Variants in FOXC1 observed in about 807,000 individuals in gnomAD.
FOXC1 encodes forkhead box protein C1.
A neutral mutation model predicts 8.1 loss-of-function variants in FOXC1; 5 were observed. The ratio of observed to expected loss-of-function variants is 0.62; its 90% confidence interval spans 0.32 to 1.30. The LOEUF is 1.30. Among genes scored for constraint, FOXC1 ranks in the 50% most tolerant of loss-of-function variants. The pLI, the probability that FOXC1 is intolerant of heterozygous loss-of-function variation, is 0.05. For missense variants in FOXC1, 942 were observed against 858.0 expected (o/e 1.10, Z -1.22); for synonymous variants, 552 against 417.2 (o/e 1.32, Z -3.94).
chr6:1,611,520 TC>T lies in FOXC1; in HGVS notation c.1078del (p.Leu360SerfsTer41). On this transcript the variant is annotated frameshift_variant, in exon 1 of 1. Coordinates refer to ENST00000645831, the MANE Select transcript of FOXC1 (RefSeq NM_001453.3). LOFTEE classifies it low-confidence loss of function (END_TRUNC). This position sits in a 1 kb window ranked among gnomAD's most constrained non-coding sequence, Gnocchi z 7.1. Reference sequence around the variant, plus strand: ...CGGCGCCTACTCGCCCGGCCAGAGCTCCCTCTACAGCTCCCCCTGCAGCCAG... The same window carrying T: ...CGGCGCCTACTCGCCCGGCCAGAGCTCCTCTACAGCTCCCCCTGCAGCCAG... ...ALGAYSPGQS[S>X]LYSSPCSQTS... 7.4e-7 allele frequency: 1 copy of T among 1,349,498 alleles called. No individual in the cohort carries two copies. Among genetic ancestry groups the T allele is most frequent in the East Asian group, 3.5e-5 (1 of 28,744 alleles). The allele number at this position is 1,349,498 out of a possible 1,614,324, so 83.6% of individuals were successfully genotyped here.
rs560601928 is a variant in FOXC1 at position 1,613,103 on chromosome 6, C to G, written c.*996C>G. 8.3e-6 allele frequency: 2 copies of G among 240,080 alleles called. No individual in the cohort carries two copies. Among genetic ancestry groups the G allele is most frequent in the Admixed American group, 5.7e-5 (1 of 17,516 alleles). The allele number at this position is 240,080 out of a possible 1,614,324, so 14.9% of individuals were successfully genotyped here. A position where few individuals can be genotyped will look rare whatever the true frequency, so the allele number is the denominator to read the frequency against. On this transcript the variant is annotated 3_prime_UTR_variant, in exon 1 of 1. Coordinates refer to ENST00000645831, the MANE Select transcript of FOXC1 (RefSeq NM_001453.3). The stretch of plus-strand genomic sequence containing the variant: ...GTTGGCATATAAACAAATACGTTTT[C>G]TCACTAATGACAGTCCATGATTCGG...
chr6:1,610,892 C>T lies in FOXC1; in HGVS notation c.447C>T (p.Gly149=), dbSNP rs1274199815. 5 of 1,613,978 alleles carry T rather than the reference C, an allele frequency of 3.1e-6. No individual in the cohort carries two copies. The highest frequency in any genetic ancestry group is 4.2e-6 in the Non-Finnish European group (5 of 1,180,016). ...GCGACGACAAGAAGCCGGGCAAGGGCAGCTACTGGACGCTGGACCCGGACT... is the reference window on the plus strand; with the variant it reads ...GCGACGACAAGAAGCCGGGCAAGGGTAGCTACTGGACGCTGGACCCGGACT... The part of the protein sequence containing the change: ...VPRDDKKPGK[G]SYWTLDPDSY... The change falls in exon 1 of 1, where the codon GGC becomes GGT. Residue 149 remains glycine (G), a synonymous_variant. Transcript: ENST00000645831.
chr6:1,611,117 G>C lies in FOXC1; in HGVS notation c.672G>C (p.Gln224His), dbSNP rs1311483084. 7.2e-7 allele frequency: 1 copy of C among 1,396,150 alleles called. No individual in the cohort carries two copies. 86.5% of individuals were successfully genotyped at this position (1,396,150 alleles called of 1,614,324 possible). A position where few individuals can be genotyped will look rare whatever the true frequency, so the allele number is the denominator to read the frequency against. ...PGPQPPPVRIQDIKTENGTCP... is the reference protein window; with the variant it reads ...PGPQPPPVRIHDIKTENGTCP... ...CGCAGCCGCCGCCCGTGCGCATCCA[G>C]GACATCAAGACCGAGAACGGTACGT... Residue 224 changes from glutamine to histidine, a missense_variant, in exon 1 of 1, where the codon CAG (glutamine) becomes CAC (histidine). By Grantham distance (24) the Gln-to-His change is conservative (BLOSUM62 0). Around this residue, in one of 4 missense-constraint regions of FOXC1, gnomAD observed 726 missense variants for 599.6 expected, o/e 1.21. Coordinates refer to ENST00000645831, the MANE Select transcript of FOXC1 (RefSeq NM_001453.3). This position sits in a 1 kb window ranked among gnomAD's most constrained non-coding sequence, Gnocchi z 7.1.
In FOXC1 at chr6:1,611,942, C is replaced by T. The variant is rs1471366309; in HGVS notation, c.1497C>T (p.Gly499=). ...AAAAAAAGYP[G]QQQNFHSVRE... is the part of the protein sequence containing the mutation. ...CGGCGGCGGCCGCAGGCTACCCGGG[C>T]CAGCAGCAGAACTTCCACTCGGTGC... Residue 499 remains glycine (G), a synonymous_variant, in exon 1 of 1, where the codon GGC becomes GGT. Transcript: ENST00000645831. This position sits in a 1 kb window ranked among gnomAD's most constrained non-coding sequence, Gnocchi z 7.1. 3.8e-6 allele frequency: 6 copies of T among 1,586,780 alleles called. No individual in the cohort carries two copies. Among genetic ancestry groups the T allele is most frequent in the Non-Finnish European group, 5.1e-6 (6 of 1,166,476 alleles).
At position 1,610,498 on chromosome 6, in the gene FOXC1, A is replaced by G; in HGVS notation, c.53A>G (p.Tyr18Cys). 2.0e-6 allele frequency: 3 copies of G among 1,503,902 alleles called. No homozygotes were observed. The highest frequency in any genetic ancestry group is 2.7e-6 in the Non-Finnish European group (3 of 1,128,220). The allele number at this position is 1,503,902 out of a possible 1,614,324, so 93.2% of individuals were successfully genotyped here. A position where few individuals can be genotyped will look rare whatever the true frequency, so the allele number is the denominator to read the frequency against. Residue 18 changes from tyrosine (Y) to cysteine (C), a missense_variant, in exon 1 of 1, where the codon TAC becomes TGC. By Grantham distance (194) the Tyr-to-Cys change is radical. Around this residue, in one of 4 missense-constraint regions of FOXC1, gnomAD observed 190 missense variants for 176.8 expected, o/e 1.07. Coordinates refer to ENST00000645831, the MANE Select transcript of FOXC1 (RefSeq NM_001453.3). ...SSPNSLGVVP[Y>C]LGGEQSYYRA... ...CCCAACTCCCTGGGAGTGGTGCCCT[A>G]CCTCGGCGGCGAGCAGAGCTACTAC... is the stretch of plus-strand genomic sequence containing the variant.
rs1354347813 is a variant in FOXC1, at chr6:1,612,228, C to A, written c.*121C>A. 2 of 1,448,616 alleles carry A rather than the reference C, an allele frequency of 1.4e-6. No homozygotes were observed. The highest frequency in any genetic ancestry group is 1.9e-6 in the Non-Finnish European group (2 of 1,064,110). The allele number at this position is 1,448,616 out of a possible 1,614,324, so 89.7% of individuals were successfully genotyped here. On this transcript the variant is annotated 3_prime_UTR_variant, in exon 1 of 1. Coordinates refer to ENST00000645831, the MANE Select transcript of FOXC1 (RefSeq NM_001453.3). ...TAAAAAAAACCCCTGAGAATATTCA[C>A]CACACCAGCGAACAGAATATCCCTC...
Position 1,612,355 on chromosome 6 carries a change from G to A in FOXC1, c.*248G>A, listed in dbSNP as rs1361188087. ...TTGCCTTGTCTAAATAAACAAACCC[G>A]TAAACTGTTTTATACAGAGACAGCA... On this transcript the variant is annotated 3_prime_UTR_variant, in exon 1 of 1. Transcript: ENST00000645831. 7 of 626,506 alleles carry A rather than the reference G, an allele frequency of 1.1e-5. No individual in the cohort carries two copies. Among genetic ancestry groups the A allele is most frequent in the Non-Finnish European group, 1.1e-5 (4 of 353,012 alleles). The allele number at this position is 626,506 out of a possible 1,614,324, so 38.8% of individuals were successfully genotyped here. A position where few individuals can be genotyped will look rare whatever the true frequency, so the allele number is the denominator to read the frequency against.
In FOXC1 at chr6:1,611,215, T is replaced by C; in HGVS notation, c.770T>C (p.Ile257Thr). 1 of 1,456,456 alleles carries C rather than the reference T, an allele frequency of 6.9e-7. No homozygotes were observed. Among genetic ancestry groups the C allele is most frequent in the Non-Finnish European group, 9.0e-7 (1 of 1,105,062 alleles). 90.2% of individuals were successfully genotyped at this position (1,456,456 alleles called of 1,614,324 possible). ...GGCAGCGCCGCCGCGGTGCCCAAGA[T>C]CGAGAGCCCCGACAGCAGCAGCAGC... is the stretch of plus-strand genomic sequence containing the variant. ...GSGSAAAVPK[I>T]ESPDSSSSSL... The change falls in exon 1 of 1, where the codon ATC becomes ACC. Residue 257 changes from isoleucine to threonine, a missense_variant. Around this residue, in one of 4 missense-constraint regions of FOXC1, gnomAD observed 726 missense variants for 599.6 expected, o/e 1.21. Coordinates refer to ENST00000645831, the MANE Select transcript of FOXC1 (RefSeq NM_001453.3). This position sits in a 1 kb window ranked among gnomAD's most constrained non-coding sequence, Gnocchi z 7.1.
chr6:1,610,543 C>A lies in FOXC1; in HGVS notation c.98C>A (p.Ala33Asp). ...TACTACCGCGCGGCGGCCGCGGCGG[C>A]CGGGGGCGGCTACACCGCCATGCCG... ...QSYYRAAAAA[A>D]GGGYTAMPAP... The change falls in exon 1 of 1, where the codon GCC becomes GAC. Residue 33 changes from alanine to aspartate, a missense_variant. Around this residue, in one of 4 missense-constraint regions of FOXC1, gnomAD observed 190 missense variants for 176.8 expected, o/e 1.07. Coordinates refer to ENST00000645831, the MANE Select transcript of FOXC1 (RefSeq NM_001453.3). The A allele has an allele frequency of 6.5e-7, 1 of 1,547,356 alleles. No homozygotes were observed. The highest frequency in any genetic ancestry group is 8.7e-7 in the Non-Finnish European group (1 of 1,147,126).
chr6:1,611,563 G>A lies in FOXC1; in HGVS notation c.1118G>A (p.Ser373Asn). ...TGCAGCCAGACCTCCAGCGCGGGCA[G>A]CTCGGGCGGCGGCGGCGGCGGCGCG... ...SPCSQTSSAG[S>N]SGGGGGGAGA... is the part of the protein sequence containing the mutation. The change falls in exon 1 of 1, where the codon AGC (serine) becomes AAC (asparagine). Residue 373 changes from serine (S) to asparagine (N), a missense_variant. Physicochemically the swap from Ser to Asn is conservative, Grantham distance 46. This residue lies in a region of FOXC1 where 726 missense variants were observed against 599.6 expected (regional missense o/e 1.21). Transcript: ENST00000645831. The surrounding 1 kb of genome is among the most constrained non-coding windows in gnomAD (Gnocchi z 7.1). The A allele has an allele frequency of 2.5e-6, 3 of 1,190,786 alleles. No individual in the cohort carries two copies. Among genetic ancestry groups the A allele is most frequent in the Non-Finnish European group, 2.1e-6 (2 of 962,952 alleles). The allele number at this position is 1,190,786 out of a possible 1,614,324, so 73.8% of individuals were successfully genotyped here. A position where few individuals can be genotyped will look rare whatever the true frequency, so the allele number is the denominator to read the frequency against.
rs755098873 is a variant in FOXC1, at chr6:1,612,136, C to T, written c.*29C>T. Reference sequence around the variant, plus strand: ...ACCCTCAAAGCCGAACTAAATCGAACCCCAAAGCAGGAAAAGCTAAAGGAA... The same window carrying T: ...ACCCTCAAAGCCGAACTAAATCGAATCCCAAAGCAGGAAAAGCTAAAGGAA... On this transcript the variant is annotated 3_prime_UTR_variant, in exon 1 of 1. Coordinates refer to ENST00000645831, the MANE Select transcript of FOXC1 (RefSeq NM_001453.3). 4 of 1,613,628 alleles carry T rather than the reference C, an allele frequency of 2.5e-6. No homozygotes were observed. The highest frequency in any genetic ancestry group is 1.7e-6 in the Non-Finnish European group (2 of 1,179,974).
rs1487434632 is a variant in FOXC1 at position 1,612,786 on chromosome 6, ATTGT to A, written c.*686_*689del. On this transcript the variant is annotated 3_prime_UTR_variant, in exon 1 of 1. Transcript: ENST00000645831. Reference sequence around the variant, plus strand: ...TTCTTTCTTTTTGTTGAACATATTCATTGTTTGTTTATTAATAAATTACCATTCA... The same window carrying A: ...TTCTTTCTTTTTGTTGAACATATTCATTGTTTATTAATAAATTACCATTCA... The A allele has an allele frequency of 5.8e-5, 12 of 207,848 alleles. No homozygotes were observed. The highest frequency in any genetic ancestry group is 5.0e-4 in the East Asian group (6 of 12,052). 12.9% of individuals were successfully genotyped at this position (207,848 alleles called of 1,614,324 possible).
chr6:1,611,044 A>T lies in FOXC1; in HGVS notation c.599A>T (p.Gln200Leu). 1.3e-6 allele frequency: 2 copies of T among 1,517,316 alleles called. No individual in the cohort carries two copies. The allele number at this position is 1,517,316 out of a possible 1,614,324, so 94.0% of individuals were successfully genotyped here. Residue 200 changes from glutamine (Q) to leucine (L), a missense_variant, in exon 1 of 1, where the codon CAG (glutamine) becomes CTG (leucine). Gln to Leu is a moderately radical substitution (Grantham distance 113). Coordinates refer to ENST00000645831, the MANE Select transcript of FOXC1 (RefSeq NM_001453.3). This position sits in a 1 kb window ranked among gnomAD's most constrained non-coding sequence, Gnocchi z 7.1. ...HLKEPPPPGR[Q>L]PPPAPPEQAD... The stretch of plus-strand genomic sequence containing the variant: ...AAGGAGCCGCCCCCGCCCGGCCGCC[A>T]GCCCCCGCCCGCGCCGCCGGAGCAG...
In FOXC1 at chr6:1,611,542, G is replaced by A; in HGVS notation, c.1097G>A (p.Ser366Asn). The A allele has an allele frequency of 7.9e-7, 1 of 1,268,196 alleles. No individual in the cohort carries two copies. Among genetic ancestry groups the A allele is most frequent in the East Asian group, 3.7e-5 (1 of 27,136 alleles). 78.6% of individuals were successfully genotyped at this position (1,268,196 alleles called of 1,614,324 possible). A position where few individuals can be genotyped will look rare whatever the true frequency, so the allele number is the denominator to read the frequency against. ...GQSSLYSSPC[S>N]QTSSAGSSGG... ...AGCTCCCTCTACAGCTCCCCCTGCA[G>A]CCAGACCTCCAGCGCGGGCAGCTCG... The change falls in exon 1 of 1, where the codon AGC becomes AAC. Residue 366 changes from serine to asparagine, a missense_variant. Physicochemically the swap from Ser to Asn is conservative, Grantham distance 46. This residue lies in a region of FOXC1 where 726 missense variants were observed against 599.6 expected (regional missense o/e 1.21). Coordinates refer to ENST00000645831, the MANE Select transcript of FOXC1 (RefSeq NM_001453.3). The surrounding 1 kb of genome is among the most constrained non-coding windows in gnomAD (Gnocchi z 7.1).
In FOXC1 at chr6:1,610,373, C is replaced by CCGGCG. The variant is rs76225423; in HGVS notation, c.-63_-59dup. On this transcript the variant is annotated 5_prime_UTR_variant, in exon 1 of 1. Coordinates refer to ENST00000645831, the MANE Select transcript of FOXC1 (RefSeq NM_001453.3). ...CCGGGCCCGGACTCGGACTCGGCGGCCGGCGCGGCGCGGCCCGGCCCGAGC... is the reference window on the plus strand; with the variant it reads ...CCGGGCCCGGACTCGGACTCGGCGGCCGGCGCGGCGCGGCGCGGCCCGGCCCGAGC... 3,154 of 874,196 alleles carry CCGGCG rather than the reference C, an allele frequency of 3.6e-3. 4 individuals are homozygous for CCGGCG. The highest frequency in any genetic ancestry group is 4.0e-3 in the Non-Finnish European group (2,933 of 729,952). 54.2% of individuals were successfully genotyped at this position (874,196 alleles called of 1,614,324 possible). A position where few individuals can be genotyped will look rare whatever the true frequency, so the allele number is the denominator to read the frequency against.
Position 1,611,588 on chromosome 6 carries a change from G to GC in FOXC1, c.1143_1144insC (p.Gly382ArgfsTer146). 1 of 1,025,174 alleles carries GC rather than the reference G, an allele frequency of 9.8e-7. No homozygotes were observed. 63.5% of individuals were successfully genotyped at this position (1,025,174 alleles called of 1,614,324 possible). ...GCTCGGGCGGCGGCGGCGGCGGCGC[G>GC]GGGGCCGCGGGGGGCGCGGGCGGCG... is the stretch of plus-strand genomic sequence containing the variant. On this transcript the variant is annotated frameshift_variant, in exon 1 of 1. Coordinates refer to ENST00000645831, the MANE Select transcript of FOXC1 (RefSeq NM_001453.3). LOFTEE classifies it low-confidence loss of function (END_TRUNC). This position sits in a 1 kb window ranked among gnomAD's most constrained non-coding sequence, Gnocchi z 7.1.
Position 1,610,575 on chromosome 6 carries a change from A to G in FOXC1, c.130A>G (p.Met44Val), listed in dbSNP as rs1762517754. ...CGGCTACACCGCCATGCCGGCCCCC[A>G]TGAGCGTGTACTCGCACCCTGCGCA... ...GGGYTAMPAP[M>V]SVYSHPAHAE... The change falls in exon 1 of 1, where the codon ATG (methionine) becomes GTG (valine). Residue 44 changes from methionine (M) to valine (V), a missense_variant. This residue lies in a region of FOXC1 where 190 missense variants were observed against 176.8 expected (regional missense o/e 1.07). Coordinates refer to ENST00000645831, the MANE Select transcript of FOXC1 (RefSeq NM_001453.3). 6.3e-7 allele frequency: 1 copy of G among 1,588,502 alleles called. No homozygotes were observed. Among genetic ancestry groups the G allele is most frequent in the Non-Finnish European group, 8.6e-7 (1 of 1,168,802 alleles).
Position 1,611,881 on chromosome 6 carries a change from G to A in FOXC1, c.1436G>A (p.Gly479Asp), listed in dbSNP as rs1477778731. Residue 479 changes from glycine to aspartate, a missense_variant, in exon 1 of 1, where the codon GGC becomes GAC. Gly to Asp is a moderately conservative substitution (Grantham distance 94). This residue lies in a region of FOXC1 where 726 missense variants were observed against 599.6 expected (regional missense o/e 1.21). Transcript: ENST00000645831. This position sits in a 1 kb window ranked among gnomAD's most constrained non-coding sequence, Gnocchi z 7.1. ...ACCTCGTGGTACCTGAACCAGGCGG[G>A]CGGAGACCTGGGCCACTTGGCGAGC... The part of the protein sequence containing the change: ...RLTSWYLNQA[G>D]GDLGHLASAA... 7 of 1,538,800 alleles carry A rather than the reference G, an allele frequency of 4.5e-6. No homozygotes were observed. The highest frequency in any genetic ancestry group is 5.3e-6 in the Non-Finnish European group (6 of 1,142,366).
chr6:1,612,138 C>G lies in FOXC1; in HGVS notation c.*31C>G, dbSNP rs1429781292. On this transcript the variant is annotated 3_prime_UTR_variant, in exon 1 of 1. Transcript: ENST00000645831. ...CCTCAAAGCCGAACTAAATCGAACC[C>G]CAAAGCAGGAAAAGCTAAAGGAACC... 2 of 1,613,598 alleles carry G rather than the reference C, an allele frequency of 1.2e-6. No homozygotes were observed. The highest frequency in any genetic ancestry group is 2.2e-5 in the East Asian group (1 of 44,864).
Sources: allele counts gnomAD v4.1 joint callset, GRCh38; gene constraint gnomAD v4.1.1; regional missense constraint gnomAD v4.1.1; non-coding constraint Gnocchi (gnomAD v3.1); transcripts MANE v1.5; gene names NCBI Gene and HGNC (gene_info 2026-07-23, HGNC 2026-07-21).